The following KIAA1671 variants were observed in gnomAD, a reference collection of about 807,000 sequenced individuals.
KIAA1671 encodes the protein KIAA1671, also known as uncharacterized protein KIAA1671.
In KIAA1671, 52 loss-of-function variants were observed where a neutral mutation model predicts 131.2. The observed-to-expected ratio is 0.40, with a 90% CI of 0.32 to 0.50. The LOEUF (loss-of-function observed/expected upper bound fraction) is 0.50. Among genes scored for constraint, KIAA1671 ranks in the 20% least tolerant of loss-of-function variants. KIAA1671 has a pLI of 0.73. For synonymous variants in KIAA1671, 1,003 were observed against 961.6 expected, an observed-to-expected ratio of 1.04 and a Z score of -0.80; for missense variants, 2,360 against 2,364.2, an observed-to-expected ratio of 1.00 and a Z score of 0.04.
At chr22:24,979,360 T>TTTTA (rs1486714451) in intron 1 of KIAA1671, among the ~76,000 whole-genome samples, 2 of 147,002 alleles carry the variant, frequency 1.4e-5, no homozygotes, top group Non-Finnish European at 3.0e-5. Context: ...ATTTATTTAT[T>TTTTA]TTTTTTTGAG....
rs1930188955 is a variant in KIAA1671, at chr22:25,093,750, C to CTCTCTCTCTG, written c.4530+44395_4530+44396insGTCTCTCTCT. Among the ~76,000 whole-genome samples, 3 of 119,044 alleles carry CTCTCTCTCTG rather than the reference C, an allele frequency of 2.5e-5. No homozygotes were observed. The East Asian group carries it at 7.4e-4, about 29-fold the overall frequency. The allele number at this position is 119,044 out of a possible 152,430, so 78.1% of individuals were successfully genotyped here. ...ACACACACACACACTCTCTCTCTCT[C>CTCTCTCTCTG]TCTCTCTCTCTCTCTCTGTCTCTCT... On this transcript the variant is annotated intron_variant, in intron 6 of 12. Transcript: ENST00000358431.
intron 1 of KIAA1671, among the ~76,000 whole-genome samples, chr22:24,977,967 G>T (rs1014982165): frequency 6.6e-6 from 1 of 152,116 alleles, no homozygotes; most frequent in Non-Finnish European, 1.5e-5. Flanking sequence ...GCTCCAGCAG[G>T]GTGTGGAGCA....
intron 6 of KIAA1671, among the ~76,000 whole-genome samples, chr22:25,156,276 C>T (rs1039681782): frequency 2.0e-5 from 3 of 151,954 alleles, no homozygotes; most frequent in East Asian, 3.9e-4. Flanking sequence ...CCGCCCTCCT[C>T]GGCTTCCCAA....
chr22:25,146,129 C>A (rs545943828), intron 6 of KIAA1671, among the ~76,000 whole-genome samples: 25 of 152,284 alleles, frequency 1.6e-4, no homozygotes, highest in African/African-American at 5.5e-4. Context: ...CCTTTGAGGG[C>A]AGAGTTTATA....
At chr22:24,999,137 C>T (rs114646270) in intron 1 of KIAA1671, among the ~76,000 whole-genome samples, 166 of 152,268 alleles carry the variant, frequency 1.1e-3, no homozygotes, top group African/African-American at 4.0e-3. Flanking sequence ...AGTTCCACAT[C>T]CTTATCACCA....
chr22:25,177,323 C>T (rs1178563410), intron 8 of KIAA1671, 25 bp from the exon 9 acceptor site: 16 of 1,525,888 alleles, frequency 1.0e-5, no homozygotes, highest in Admixed American at 6.4e-5. Context: ...GATTTTTTTC[C>T]TCTTCCTCCC....
intron 1 of KIAA1671, among the ~76,000 whole-genome samples, chr22:25,018,342 T>C (rs1390156140): frequency 6.6e-6 from 1 of 152,116 alleles, no homozygotes; most frequent in African/African-American, 2.4e-5. Flanking sequence ...AAGCATTTGG[T>C]TCCCGTTATG....
rs558036668 is a variant in KIAA1671 at position 24,962,981 on chromosome 22, G to A, written c.-208+10209G>A. 4.6e-5 allele frequency among the ~76,000 whole-genome samples: 7 copies of A among 152,114 alleles called. No individual in the cohort carries two copies. In the East Asian group the frequency reaches 1.2e-3, roughly 25 times the overall value. On this transcript the variant is annotated intron_variant, in intron 1 of 12. Transcript: ENST00000358431. ...CTGATCTAAGAAGTATTCACATGGC[G>A]CCACTATGAATGCACTCAGCAGGCT... is the stretch of plus-strand genomic sequence containing the variant.
At chr22:25,134,839 A>C (rs1932602152) in intron 6 of KIAA1671, among the ~76,000 whole-genome samples, 1 of 152,174 alleles carries the variant, frequency 6.6e-6, no homozygotes, top group Non-Finnish European at 1.5e-5. Flanking sequence ...TCTGAACCTC[A>C]GTTTCTTCTC....
chr22:25,179,736 A>G (rs538341880), intron 9 of KIAA1671, among the ~76,000 whole-genome samples: 50 of 152,358 alleles, frequency 3.3e-4, no homozygotes, highest in African/African-American at 1.1e-3. Context: ...ACATAGCTTA[A>G]TAAGGTTTTA....
intron 6 of KIAA1671, among the ~76,000 whole-genome samples, chr22:25,099,356 G>A (rs988480063): frequency 5.3e-5 from 8 of 152,022 alleles, no homozygotes; most frequent in African/African-American, 1.9e-4. Context: ...TCAGACTTTG[G>A]AGCCCTGCCC....
At chr22:25,070,043 CCTCCGTGCCTACGG>C (rs1239676685) in intron 6 of KIAA1671, 2 of 278,138 alleles carry the variant, frequency 7.2e-6, no homozygotes, top group African/African-American at 4.4e-5. Context: ...ACCCTAAAAC[CCTCCGTGCCTACGG>C]CTCCCGGGAG....
chr22:25,044,889 G>A (rs1231906721), intron 5 of KIAA1671, among the ~76,000 whole-genome samples: 2 of 152,170 alleles, frequency 1.3e-5, no homozygotes, highest in African/African-American at 2.4e-5. Context: ...GGCTGGGCAC[G>A]GTGGCTCATG....
chr22:25,045,672 C>T (rs1927182773), intron 5 of KIAA1671, among the ~76,000 whole-genome samples: 1 of 152,116 alleles, frequency 6.6e-6, no homozygotes, highest in African/African-American at 2.4e-5. Flanking sequence ...TCACTGCAAC[C>T]CCCGCCTCCC....
At chr22:25,177,649 T>A in intron 9 of KIAA1671, 127 bp downstream of exon 9, 1 of 782,412 alleles carries the variant, frequency 1.3e-6, no homozygotes, top group East Asian at 2.7e-5. Flanking sequence ...CATAGGAAAC[T>A]GATTTTTTTT....
chr22:25,106,029 G>A (rs149921953), intron 6 of KIAA1671, among the ~76,000 whole-genome samples: 38 of 152,348 alleles, frequency 2.5e-4, no homozygotes, highest in African/African-American at 9.1e-4. Context: ...TCAGTTAGCA[G>A]TAGTGATGGT....
At chr22:25,121,551 A>G (rs1931946937) in intron 6 of KIAA1671, among the ~76,000 whole-genome samples, 1 of 152,198 alleles carries the variant, frequency 6.6e-6, no homozygotes, top group Non-Finnish European at 1.5e-5. Flanking sequence ...GTGCTGGTAA[A>G]ATGTTTAACA....
chr22:25,117,971 T>C (rs924292288), intron 6 of KIAA1671, among the ~76,000 whole-genome samples: 4 of 151,732 alleles, frequency 2.6e-5, no homozygotes, highest in African/African-American at 9.7e-5. Context: ...AAACCCCATC[T>C]CTACTAAAAA....
chr22:25,084,451 C>G (rs1189489293), intron 6 of KIAA1671, among the ~76,000 whole-genome samples: 1 of 95,742 alleles, frequency 1.0e-5, no homozygotes, highest in Admixed American at 1.0e-4. Flanking sequence ...GAGCAAGACT[C>G]TATCTCAAAA....
Sources: gnomAD v4.1 joint callset for allele counts (sites outside exome capture counted in the v4.1 genomes callset) on GRCh38, gnomAD v4.1.1 for gene constraint, MANE v1.5 for transcripts, NCBI Gene and HGNC (gene_info 2026-07-23, HGNC 2026-07-21) for gene names.